PDE10A: variants seen among roughly 807,000 people sequenced by gnomAD.
PDE10A encodes the protein cAMP and cAMP-inhibited cGMP 3',5'-cyclic phosphodiesterase 10A.
In PDE10A, 39 loss-of-function variants were observed where a neutral mutation model predicts 97.7. The ratio of observed to expected loss-of-function variants is 0.40; its 90% CI spans 0.31 to 0.52. The LOEUF (loss-of-function observed/expected upper bound fraction) is 0.52. Ranked by LOEUF, PDE10A falls within the 20% of genes least tolerant of loss-of-function variation. The probability of loss-of-function intolerance (pLI) is 0.56; values close to 1 mark genes in which losing one functional copy is unlikely to be tolerated. For synonymous variants in PDE10A, 371 were observed against 376.8 expected (o/e 0.98, Z 0.18); for missense variants, 731 against 1,047.8 (o/e 0.70, Z 4.17).
At chr6:165,645,913 G>A (rs1392795188) in intron 1 of PDE10A, among the ~76,000 whole-genome samples, 1 of 149,730 alleles carries the variant, frequency 6.7e-6, no homozygotes, top group Non-Finnish European at 1.5e-5. Flanking sequence ...CAAAACAACT[G>A]CTAAATTTGA....
At chr6:165,957,118 C>T (rs1202891758) in intron 1 of PDE10A, among the ~76,000 whole-genome samples, 1 of 152,116 alleles carries the variant, frequency 6.6e-6, no homozygotes, top group Non-Finnish European at 1.5e-5. Flanking sequence ...AGAGGGCTGC[C>T]AGATATGAGG....
intron 1 of PDE10A, among the ~76,000 whole-genome samples, chr6:165,722,537 C>T (rs1287530178): frequency 6.6e-6 from 1 of 152,146 alleles, no homozygotes; most frequent in Non-Finnish European, 1.5e-5. Flanking sequence ...AGATTAACAA[C>T]AATAACTCAT....
chr6:165,629,454 CTTTTG>C (rs1349291201), intron 1 of PDE10A, among the ~76,000 whole-genome samples: 2 of 149,614 alleles, frequency 1.3e-5, no homozygotes, highest in East Asian at 2.0e-4. Context: ...AATGTAAACT[CTTTTG>C]TTTTGTTAAT....
chr6:165,403,122 A>G (rs1786800467), intron 13 of PDE10A, among the ~76,000 whole-genome samples: 1 of 152,194 alleles, frequency 6.6e-6, no homozygotes, highest in African/African-American at 2.4e-5. Flanking sequence ...GTAACGTTCA[A>G]TGGAATAACA....
At chr6:165,588,835 A>G (rs940740881) in intron 1 of PDE10A, among the ~76,000 whole-genome samples, 1 of 152,140 alleles carries the variant, frequency 6.6e-6, no homozygotes, top group Non-Finnish European at 1.5e-5. Context: ...CAATTTCCCT[A>G]CCTACACTAT....
At chr6:165,944,815 T>G (rs1236592962) in intron 1 of PDE10A, among the ~76,000 whole-genome samples, 1 of 152,184 alleles carries the variant, frequency 6.6e-6, no homozygotes, top group Non-Finnish European at 1.5e-5. Flanking sequence ...TATGTCACTG[T>G]GCAAAGAAAA....
chr6:165,921,934 G>A (rs756425008), intron 1 of PDE10A, among the ~76,000 whole-genome samples: 11 of 152,200 alleles, frequency 7.2e-5, no homozygotes, highest in Non-Finnish European at 1.2e-4. Context: ...GCTGGGATTA[G>A]ACTGCAGGGT....
chr6:165,336,833 T>C (rs1387606977), intron 20 of PDE10A, among the ~76,000 whole-genome samples: 1 of 150,842 alleles, frequency 6.6e-6, no homozygotes, highest in Non-Finnish European at 1.5e-5. Flanking sequence ...CGCTAATAGA[T>C]CAGTCAGTTG....
intron 1 of PDE10A, among the ~76,000 whole-genome samples, chr6:165,546,289 T>C (rs1388328427): frequency 3.9e-5 from 6 of 152,018 alleles, no homozygotes; most frequent in Admixed American, 6.5e-5. Context: ...ATAGGTAAAG[T>C]ACAGGGGATC....
intron 1 of PDE10A, among the ~76,000 whole-genome samples, chr6:165,794,637 CCA>C (rs1381448256): frequency 6.6e-6 from 1 of 151,990 alleles, no homozygotes; most frequent in Non-Finnish European, 1.5e-5. Flanking sequence ...CTCACACAAC[CCA>C]CACTCTCACA....
intron 1 of PDE10A, among the ~76,000 whole-genome samples, chr6:165,618,037 T>G (rs879266217): frequency 3.3e-5 from 5 of 152,114 alleles, no homozygotes; most frequent in African/African-American, 9.7e-5. Flanking sequence ...TCTCTAAAAG[T>G]TAGAAAAATT....
chr6:165,967,483 G>A (rs1784546191), intron 1 of PDE10A, among the ~76,000 whole-genome samples: 1 of 152,200 alleles, frequency 6.6e-6, no homozygotes, highest in African/African-American at 2.4e-5. Context: ...GGCAACAGGA[G>A]CACGAAACTC....
Position 165,645,853 on chromosome 6 carries a change from C to CAA in PDE10A, c.865+16092_865+16093dup, listed in dbSNP as rs57923490. 4.2e-3 allele frequency among the ~76,000 whole-genome samples: 430 copies of CAA among 101,242 alleles called. 11 individuals are homozygous for CAA. The highest frequency in any genetic ancestry group is 0.014 in the African/African-American group (397 of 28,664). 66.4% of individuals were successfully genotyped at this position (101,242 alleles called of 152,430 possible). On this transcript the variant is annotated intron_variant, in intron 1 of 21. Transcript: ENST00000539869. ...TGGGCAGCAGAGCAAGACTCCATCT[C>CAA]AAAAAAAAAAAAAAAAGTTTACTTC...
At chr6:165,400,434 A>C (rs1562424483) in intron 13 of PDE10A, among the ~76,000 whole-genome samples, 1 of 152,196 alleles carries the variant, frequency 6.6e-6, no homozygotes, top group Non-Finnish European at 1.5e-5. Context: ...ATTTACAAAT[A>C]ATCTATCTGA....
At chr6:165,482,215 T>C (rs953241098) in intron 3 of PDE10A, 100 bp downstream of exon 3, 4 of 865,688 alleles carry the variant, frequency 4.6e-6, no homozygotes, top group East Asian at 4.9e-5. Flanking sequence ...GTTTTTGCCA[T>C]AATCTTTCTG....
chr6:165,453,344 G>A (rs1429873685), intron 3 of PDE10A, among the ~76,000 whole-genome samples: 1 of 152,198 alleles, frequency 6.6e-6, no homozygotes, highest in East Asian at 1.9e-4. Context: ...CAAACCAAGG[G>A]TTTATGGGCA....
At chr6:165,414,463 T>C (rs1788160688) in intron 12 of PDE10A, among the ~76,000 whole-genome samples, 3 of 152,220 alleles carry the variant, frequency 2.0e-5, no homozygotes, top group Admixed American at 1.3e-4. Context: ...TAAAGGTTTT[T>C]GAGATTCATC....
At chr6:165,363,380 T>G (rs1345107064) in intron 18 of PDE10A, among the ~76,000 whole-genome samples, 1 of 151,996 alleles carries the variant, frequency 6.6e-6, no homozygotes, top group Non-Finnish European at 1.5e-5. Flanking sequence ...CCAGGCATGG[T>G]GGCAGGTGCC....
intron 1 of PDE10A, among the ~76,000 whole-genome samples, chr6:165,852,109 T>C (rs1286347208): frequency 6.6e-6 from 1 of 152,190 alleles, no homozygotes; most frequent in African/African-American, 2.4e-5. Flanking sequence ...TTCTCTTTTT[T>C]CTACGAAAGA....
Sources: allele counts gnomAD v4.1 joint callset (sites outside exome capture counted in the v4.1 genomes callset), GRCh38; gene constraint gnomAD v4.1.1; transcripts MANE v1.5; gene names NCBI Gene and HGNC (gene_info 2026-07-23, HGNC 2026-07-21).